The following MAML3 variants were observed in gnomAD, a reference collection of about 807,000 sequenced individuals.
The protein encoded by MAML3 is mastermind like transcriptional coactivator 3.
MAML3 carries 27 observed loss-of-function variants against 101.9 expected under a neutral mutation model. The ratio of observed to expected loss-of-function variants is 0.27; its 90% confidence interval spans 0.20 to 0.37. The LOEUF is 0.37. Among genes scored for constraint, MAML3 ranks in the 10% least tolerant of loss-of-function variants. The pLI, the probability that MAML3 is intolerant of heterozygous loss-of-function variation, is 1.00. For synonymous variants in MAML3, 501 were observed against 555.9 expected (o/e 0.90, Z 1.39); for missense variants, 1,316 against 1,444.9 (o/e 0.91, Z 1.45).
Position 140,127,119 on chromosome 4 carries a change from G to T in MAML3, c.468+25741C>A, listed in dbSNP as rs76165317. Among the ~76,000 whole-genome samples the T allele has an allele frequency of 4.7e-3, 714 of 152,276 alleles. 17 individuals are homozygous for T. The highest frequency in any genetic ancestry group is 0.039 in the Admixed American group (597 of 15,300). On this transcript the variant is annotated intron_variant, in intron 1 of 4. Coordinates refer to ENST00000509479, the MANE Select transcript of MAML3 (RefSeq NM_018717.5). Reference sequence around the variant, plus strand: ...TGTCATAGGGCTTATGCTTCTGAGCGTGGCAGATAAGGCCCTCCACGTCCT... The same window carrying T: ...TGTCATAGGGCTTATGCTTCTGAGCTTGGCAGATAAGGCCCTCCACGTCCT...
chr4:140,076,870 G>GT (rs1335400612), intron 1 of MAML3, among the ~76,000 whole-genome samples: 1 of 151,952 alleles, frequency 6.6e-6, no homozygotes, highest in East Asian at 1.9e-4. Flanking sequence ...TGTTGTTTTT[G>GT]TTTTTTTCTT....
chr4:139,765,200 T>TA (rs58747208), intron 2 of MAML3, among the ~76,000 whole-genome samples: 3,619 of 152,286 alleles, frequency 0.024, 154 homozygotes, highest in African/African-American at 0.082. Context: ...TTATATCTGG[T>TA]AAAAAATGAT....
chr4:139,862,449 A>T (rs11100314), intron 2 of MAML3, among the ~76,000 whole-genome samples: 2 of 152,034 alleles, frequency 1.3e-5, no homozygotes, highest in Non-Finnish European at 2.9e-5. Flanking sequence ...CATCCAGCTC[A>T]CTGTCTCGGA....
intron 1 of MAML3, among the ~76,000 whole-genome samples, chr4:140,127,300 G>A (rs1321018756): frequency 2.0e-5 from 3 of 152,146 alleles, no homozygotes; most frequent in African/African-American, 7.2e-5. Context: ...TGCAGGGGAG[G>A]GGCAGTAAAC....
At chr4:140,042,282 G>C (rs560465925) in intron 1 of MAML3, among the ~76,000 whole-genome samples, 1 of 152,264 alleles carries the variant, frequency 6.6e-6, no homozygotes, top group East Asian at 1.9e-4. Flanking sequence ...TACCACAAAG[G>C]ACAGCCTTAT....
chr4:139,818,770 C>A (rs1232091701), intron 2 of MAML3, among the ~76,000 whole-genome samples: 1 of 152,126 alleles, frequency 6.6e-6, no homozygotes, highest in South Asian at 2.1e-4. Flanking sequence ...GAAGCAAATA[C>A]CCCAAAACAT....
intron 1 of MAML3, among the ~76,000 whole-genome samples, chr4:140,132,039 G>T (rs186422641): frequency 6.6e-6 from 1 of 152,348 alleles, no homozygotes; most frequent in East Asian, 1.9e-4. Context: ...GGATAAACAG[G>T]TCTTGTTCAC....
intron 1 of MAML3, among the ~76,000 whole-genome samples, chr4:139,893,179 T>C (rs1732538650): frequency 6.6e-6 from 1 of 152,206 alleles, no homozygotes; most frequent in African/African-American, 2.4e-5. Flanking sequence ...TCTAGGGCAT[T>C]GTCCATGTTG....
intron 2 of MAML3, among the ~76,000 whole-genome samples, chr4:139,771,535 CAT>C (rs1729980332): frequency 6.6e-6 from 1 of 152,184 alleles, no homozygotes; most frequent in African/African-American, 2.4e-5. Flanking sequence ...AAACTTCAAT[CAT>C]TATTTTTTAT....
chr4:140,126,340 T>A (rs1052067917), intron 1 of MAML3, among the ~76,000 whole-genome samples: 2 of 152,102 alleles, frequency 1.3e-5, no homozygotes, highest in Non-Finnish European at 2.9e-5. Flanking sequence ...ATACGTTTCA[T>A]CCACTGCCTC....
chr4:140,060,394 C>CCTGAAAT (rs1727427255), intron 1 of MAML3, among the ~76,000 whole-genome samples: 1 of 32,802 alleles, frequency 3.0e-5, no homozygotes, highest in South Asian at 1.3e-3. Context: ...AAGTCACAAG[C>CCTGAAAT]CTGAAATCAA....
intron 2 of MAML3, among the ~76,000 whole-genome samples, chr4:139,867,975 T>G (rs554332620): frequency 1.3e-5 from 2 of 152,316 alleles, no homozygotes; most frequent in East Asian, 3.9e-4. Flanking sequence ...TGGAATTGAG[T>G]TCTCTTCCTT....
chr4:139,893,083 T>TA (rs1212069071), intron 1 of MAML3, among the ~76,000 whole-genome samples: 1 of 152,172 alleles, frequency 6.6e-6, no homozygotes, highest in African/African-American at 2.4e-5. Flanking sequence ...TCTTGAGACT[T>TA]ATAGTTCCTT....
At chr4:139,774,662 G>A (rs1730059201) in intron 2 of MAML3, among the ~76,000 whole-genome samples, 1 of 152,186 alleles carries the variant, frequency 6.6e-6, no homozygotes, top group African/African-American at 2.4e-5. Flanking sequence ...AAAATTGACG[G>A]AGGGGAGGAT....
At chr4:139,726,272 G>A (rs1289425621) in intron 3 of MAML3, among the ~76,000 whole-genome samples, 6 of 152,200 alleles carry the variant, frequency 3.9e-5, no homozygotes, top group Non-Finnish European at 1.5e-5. Flanking sequence ...CTTGTTGCTT[G>A]TTCATTCTCA....
chr4:139,774,336 G>A (rs1307820290), intron 2 of MAML3, among the ~76,000 whole-genome samples: 1 of 152,212 alleles, frequency 6.6e-6, no homozygotes, highest in Non-Finnish European at 1.5e-5. Context: ...ATGAGGGCAG[G>A]GATGACTTAT....
intron 2 of MAML3, among the ~76,000 whole-genome samples, chr4:139,771,971 G>GCTCA: frequency 6.6e-6 from 1 of 151,256 alleles, no homozygotes; most frequent in African/African-American, 2.4e-5. Context: ...CGGGCGCGGT[G>GCTCA]GCTCACGCCT....
intron 2 of MAML3, among the ~76,000 whole-genome samples, chr4:139,800,983 G>C (rs1455995056): frequency 6.6e-6 from 1 of 152,222 alleles, no homozygotes; most frequent in Non-Finnish European, 1.5e-5. Context: ...TGCAGGTAGG[G>C]AGATTTGTCA....
chr4:140,025,767 C>A (rs1055287078), intron 1 of MAML3, among the ~76,000 whole-genome samples: 1 of 152,206 alleles, frequency 6.6e-6, no homozygotes, highest in African/African-American at 2.4e-5. Flanking sequence ...AAGTGTCCTT[C>A]TACCCAATGC....
Sources: allele counts gnomAD v4.1 joint callset (sites outside exome capture counted in the v4.1 genomes callset), GRCh38; gene constraint gnomAD v4.1.1; transcripts MANE v1.5; gene names NCBI Gene and HGNC (gene_info 2026-07-23, HGNC 2026-07-21).